Variants in EPHB1 observed in about 807,000 individuals in gnomAD.
EPHB1 encodes ephrin type-B receptor 1.
A neutral mutation model predicts 94.4 loss-of-function variants in EPHB1; 30 were observed. The observed-to-expected ratio is 0.32, with a 90% CI of 0.24 to 0.43. The LOEUF (loss-of-function observed/expected upper bound fraction) is 0.43, where lower values mean the gene tolerates loss of function less well. Ranked by LOEUF, EPHB1 falls within the 20% of genes least tolerant of loss-of-function variation. The pLI is 1.00. For synonymous variants in EPHB1, 522 were observed against 489.1 expected (o/e 1.07, Z -0.89); for missense variants, 1,055 against 1,308.3 (o/e 0.81, Z 2.99).
At chr3:135,200,019 T>C (rs1438426351) in intron 11 of EPHB1, among the ~76,000 whole-genome samples, 1 of 152,186 alleles carries the variant, frequency 6.6e-6, no homozygotes, top group Non-Finnish European at 1.5e-5. Flanking sequence ...GCAGAGTGCC[T>C]ATGTTTAGCA....
At chr3:135,214,569 C>T (rs752976768) in intron 12 of EPHB1, among the ~76,000 whole-genome samples, 9 of 152,302 alleles carry the variant, frequency 5.9e-5, no homozygotes, top group South Asian at 2.1e-4. Flanking sequence ...TGTTCTGTGA[C>T]GAATTTCAGT....
chr3:134,824,098 C>G (rs917379512), intron 1 of EPHB1, among the ~76,000 whole-genome samples: 1 of 138,144 alleles, frequency 7.2e-6, no homozygotes, highest in African/African-American at 2.6e-5. Flanking sequence ...TGAGTTTTCT[C>G]TGAATGTTTA....
intron 3 of EPHB1, among the ~76,000 whole-genome samples, chr3:135,079,097 C>A (rs73864248): frequency 2.7e-4 from 37 of 137,460 alleles, no homozygotes; most frequent in Middle Eastern, 3.6e-3. Context: ...AAAAAAAAAA[C>A]AAAACAAACA....
At chr3:134,834,559 G>C (rs575980360) in intron 1 of EPHB1, among the ~76,000 whole-genome samples, 4 of 152,252 alleles carry the variant, frequency 2.6e-5, no homozygotes, top group African/African-American at 9.6e-5. Flanking sequence ...AGTTCCTGTT[G>C]CTTGGTCCTT....
Position 135,248,433 on chromosome 3 carries a change from G to A in EPHB1, c.2614G>A (p.Ala872Thr), listed in dbSNP as rs1943979358. Reference sequence around the variant, plus strand: ...GGACCGGAACAGCCGGCCCCGGTTTGCGGAGATTGTCAACACCCTAGATAA... The same window carrying A: ...GGACCGGAACAGCCGGCCCCGGTTTACGGAGATTGTCAACACCCTAGATAA... ...QKDRNSRPRFAEIVNTLDKMI... is the reference protein window; with the variant it reads ...QKDRNSRPRFTEIVNTLDKMI... Residue 872 changes from alanine (A) to threonine (T), a missense_variant, in exon 14 of 16, where the codon GCG (alanine) becomes ACG (threonine). Transcript: ENST00000398015. The A allele has an allele frequency of 6.2e-7, 1 of 1,613,820 alleles. No individual in the cohort carries two copies. Among genetic ancestry groups the A allele is most frequent in the Non-Finnish European group, 8.5e-7 (1 of 1,179,888 alleles).
intron 1 of EPHB1, among the ~76,000 whole-genome samples, chr3:134,817,935 G>T (rs1382563394): frequency 6.6e-6 from 1 of 152,192 alleles, no homozygotes; most frequent in Non-Finnish European, 1.5e-5. Flanking sequence ...CATGCAGCCA[G>T]GTTCACAGAC....
At chr3:135,126,513 CA>C (rs1940214032) in intron 4 of EPHB1, among the ~76,000 whole-genome samples, 1 of 152,158 alleles carries the variant, frequency 6.6e-6, no homozygotes, top group African/African-American at 2.4e-5. Context: ...CAGGTACAGA[CA>C]GAAGTCACAA....
chr3:135,105,227 A>G (rs1190921410), intron 3 of EPHB1, among the ~76,000 whole-genome samples: 1 of 152,264 alleles, frequency 6.6e-6, no homozygotes, highest in Non-Finnish European at 1.5e-5. Flanking sequence ...TATGATGATC[A>G]CATTGTATTA....
intron 1 of EPHB1, among the ~76,000 whole-genome samples, chr3:134,922,339 C>G (rs918329613): frequency 1.1e-4 from 16 of 152,178 alleles, no homozygotes; most frequent in African/African-American, 3.9e-4. Flanking sequence ...CTCTCTGTGC[C>G]AGAAAAGAAA....
intron 1 of EPHB1, among the ~76,000 whole-genome samples, chr3:134,863,056 T>C (rs762474656): frequency 2.0e-5 from 3 of 152,238 alleles, no homozygotes; most frequent in Non-Finnish European, 1.5e-5. Flanking sequence ...CTGGCACTCA[T>C]GGCCTCATGC....
intron 3 of EPHB1, among the ~76,000 whole-genome samples, chr3:135,068,463 T>C (rs1937613489): frequency 6.6e-6 from 1 of 152,134 alleles, no homozygotes; most frequent in Non-Finnish European, 1.5e-5. Context: ...GCTGTTGGGA[T>C]TATCTGTTCT....
intron 3 of EPHB1, among the ~76,000 whole-genome samples, chr3:134,986,746 C>A (rs1483275332): frequency 1.0e-5 from 1 of 97,924 alleles, no homozygotes; most frequent in Admixed American, 1.1e-4. Context: ...ACACACACAT[C>A]CCAAACAAAA....
At chr3:135,242,830 C>A (rs1011239835) in intron 13 of EPHB1, among the ~76,000 whole-genome samples, 4 of 152,130 alleles carry the variant, frequency 2.6e-5, no homozygotes, top group African/African-American at 9.7e-5. Context: ...GTAGTCCCAG[C>A]ACCTTGGAAG....
At chr3:134,887,075 T>C (rs2037876757) in intron 1 of EPHB1, among the ~76,000 whole-genome samples, 1 of 152,136 alleles carries the variant, frequency 6.6e-6, no homozygotes, top group Non-Finnish European at 1.5e-5. Context: ...ACAATAACAG[T>C]TTATTCCTCA....
intron 2 of EPHB1, among the ~76,000 whole-genome samples, chr3:134,948,765 G>A (rs1420157678): frequency 2.6e-5 from 4 of 152,266 alleles, no homozygotes; most frequent in Admixed American, 2.0e-4. Flanking sequence ...GCGATGTGCT[G>A]CAGCCCCCTC....
chr3:135,178,022 C>T (rs1246084340), intron 9 of EPHB1, among the ~76,000 whole-genome samples: 1 of 152,174 alleles, frequency 6.6e-6, no homozygotes, highest in Admixed American at 6.5e-5. Flanking sequence ...TATATATTCT[C>T]AAGTCAGTGT....
chr3:135,134,905 T>C (rs2107688234), intron 5 of EPHB1, among the ~76,000 whole-genome samples: 1 of 152,216 alleles, frequency 6.6e-6, no homozygotes. Flanking sequence ...CTCCCTTCTC[T>C]TACCCTGCTA....
intron 10 of EPHB1, among the ~76,000 whole-genome samples, chr3:135,181,529 A>C (rs527385347): frequency 6.6e-6 from 1 of 152,186 alleles, no homozygotes; most frequent in South Asian, 2.1e-4. Flanking sequence ...GCGGGCTTTC[A>C]GTCCTGTACT....
intron 12 of EPHB1, among the ~76,000 whole-genome samples, chr3:135,235,241 C>T (rs1943623042): frequency 1.3e-5 from 2 of 151,944 alleles, no homozygotes; most frequent in Non-Finnish European, 2.9e-5. Flanking sequence ...CTTCTTAAAC[C>T]AGGCACTAAC....
Sources: allele counts gnomAD v4.1 joint callset (sites outside exome capture counted in the v4.1 genomes callset), GRCh38; gene constraint gnomAD v4.1.1; transcripts MANE v1.5; gene names NCBI Gene and HGNC (gene_info 2026-07-23, HGNC 2026-07-21).